SEC24D: variants seen among roughly 807,000 people sequenced by gnomAD.
SEC24D encodes the protein protein transport protein Sec24D.
A neutral mutation model predicts 116.9 loss-of-function variants in SEC24D; 69 were observed. The ratio of observed to expected loss-of-function variants is 0.59; its 90% CI spans 0.49 to 0.72. The LOEUF (loss-of-function observed/expected upper bound fraction) is 0.72. Ranked by LOEUF, SEC24D falls within the 30% of genes least tolerant of loss-of-function variation. The pLI is 0.00. For missense variants in SEC24D, 1,131 were observed against 1,264.1 expected (o/e 0.89, Z 1.60); for synonymous variants, 405 against 442.8 (o/e 0.91, Z 1.07).
intron 7 of SEC24D, among the ~76,000 whole-genome samples, chr4:118,802,805 A>G (rs970494035): frequency 3.5e-4 from 54 of 152,254 alleles, no homozygotes; most frequent in African/African-American, 1.3e-3. Context: ...TATCCACAGC[A>G]GCATTACTCA....
At chr4:118,763,803 C>T (rs1352689943) in intron 10 of SEC24D, among the ~76,000 whole-genome samples, 4 of 151,988 alleles carry the variant, frequency 2.6e-5, no homozygotes, top group Admixed American at 2.6e-4. Flanking sequence ...ATAAAGATGA[C>T]GAGGATATCA....
rs529643222 is a variant in SEC24D, at chr4:118,748,450, A to C, written c.1708-3390T>G. 9.8e-5 allele frequency among the ~76,000 whole-genome samples: 15 copies of C among 152,356 alleles called. No individual in the cohort carries two copies. The East Asian group carries it at 2.9e-3, about 29-fold the overall frequency. On this transcript the variant is annotated intron_variant, in intron 13 of 22. Coordinates refer to ENST00000280551, the MANE Select transcript of SEC24D (RefSeq NM_014822.4). ...CTTTTATAAGTAGCAAATTAATAAA[A>C]GATAAAGTTCCTATGTATTAAATGT...
chr4:118,739,941 T>C (rs1269396158), intron 17 of SEC24D, among the ~76,000 whole-genome samples: 1 of 152,182 alleles, frequency 6.6e-6, no homozygotes, highest in Non-Finnish European at 1.5e-5. Context: ...AGCCAAATCC[T>C]ATTCCACTTG....
intron 6 of SEC24D, among the ~76,000 whole-genome samples, chr4:118,812,282 T>C (rs114966236): frequency 0.044 from 6,639 of 152,202 alleles, 194 homozygotes; most frequent in Non-Finnish European, 0.063. Context: ...ATTACTGATA[T>C]GGGAGGCGGG....
At chr4:118,772,793 T>C (rs1258784687) in intron 8 of SEC24D, among the ~76,000 whole-genome samples, 1 of 152,164 alleles carries the variant, frequency 6.6e-6, no homozygotes, top group African/African-American at 2.4e-5. Flanking sequence ...AAAATGATTT[T>C]CTAAAGCAAA....
intron 11 of SEC24D, among the ~76,000 whole-genome samples, 173 bp downstream of exon 11, chr4:118,757,548 G>T (rs1727160999): frequency 6.6e-6 from 1 of 152,052 alleles, no homozygotes; most frequent in Admixed American, 6.6e-5. Context: ...TTGTACAAAA[G>T]ATCACTCTAA....
At chr4:118,802,021 A>G (rs777491077) in intron 7 of SEC24D, among the ~76,000 whole-genome samples, 3 of 152,242 alleles carry the variant, frequency 2.0e-5, no homozygotes, top group Non-Finnish European at 4.4e-5. Context: ...GAAACAGAAT[A>G]CAGTAAAGTC....
chr4:118,780,396 T>G (rs1296331051), intron 8 of SEC24D, among the ~76,000 whole-genome samples: 1 of 152,206 alleles, frequency 6.6e-6, no homozygotes, highest in African/African-American at 2.4e-5. Context: ...TCGGTTTCCA[T>G]GTAGTTGTGC....
intron 19 of SEC24D, chr4:118,736,270 G>A (rs1349761736): frequency 1.3e-5 from 2 of 152,958 alleles, no homozygotes; most frequent in Non-Finnish European, 2.9e-5. Context: ...CTCTCAAAGG[G>A]CTGGGATTAC....
chr4:118,777,219 A>G (rs1393358437), intron 8 of SEC24D, among the ~76,000 whole-genome samples: 1 of 151,904 alleles, frequency 6.6e-6, no homozygotes, highest in Non-Finnish European at 1.5e-5. Flanking sequence ...GCACCCATTA[A>G]CTCATCATTT....
At position 118,824,753 on chromosome 4, in the gene SEC24D, C is replaced by A; in HGVS notation, c.119-4G>T. On this transcript the variant is annotated splice_polypyrimidine_tract_variant and splice_region_variant and intron_variant, in intron 2 of 22. Coordinates refer to ENST00000280551, the MANE Select transcript of SEC24D (RefSeq NM_014822.4). ...GGCCCTGCTGGCTTCATCATACCTG[C>A]AAGAGAGGGGCATGAATTTAGAAGT... 1 of 1,576,172 alleles carries A rather than the reference C, an allele frequency of 6.3e-7. No homozygotes were observed. Among genetic ancestry groups the A allele is most frequent in the East Asian group, 2.3e-5 (1 of 44,030 alleles).
At chr4:118,788,904 G>A (rs955542299) in intron 8 of SEC24D, among the ~76,000 whole-genome samples, 4 of 152,178 alleles carry the variant, frequency 2.6e-5, no homozygotes, top group Admixed American at 1.3e-4. Flanking sequence ...ACCCTGAGAA[G>A]AGTGCATTTA....
chr4:118,749,468 A>T (rs1726718826), intron 13 of SEC24D, among the ~76,000 whole-genome samples: 1 of 152,218 alleles, frequency 6.6e-6, no homozygotes, highest in Non-Finnish European at 1.5e-5. Context: ...TAATTCAAAT[A>T]GGGGAGTACT....
At chr4:118,734,457 C>G (rs574699833) in intron 19 of SEC24D, among the ~76,000 whole-genome samples, 34 of 152,182 alleles carry the variant, frequency 2.2e-4, no homozygotes, top group Non-Finnish European at 4.3e-4. Flanking sequence ...AAGCAATCCG[C>G]CCACCTCAGC....
chr4:118,731,459 A>C lies in SEC24D; in HGVS notation c.2725T>G (p.Ser909Ala). The C allele has an allele frequency of 6.2e-7, 1 of 1,614,136 alleles. No individual in the cohort carries two copies. Among genetic ancestry groups the C allele is most frequent in the Non-Finnish European group, 8.5e-7 (1 of 1,180,000 alleles). Residue 909 changes from serine to alanine, a missense_variant, in exon 21 of 23, where the codon TCT becomes GCT. Ser to Ala is a moderately conservative substitution (Grantham distance 99). Transcript: ENST00000280551. ...CCTTCTTCTGAAAGACGGGACTCAG[A>C]GCAACGAACGGCAGCAGGTAACATT... The part of the protein sequence containing the change: ...STMLPAAVRC[S>A]ESRLSEEGIF...
At chr4:118,740,584 G>GA (rs1394333543) in intron 17 of SEC24D, 79 bp downstream of exon 17, 1 of 1,450,414 alleles carries the variant, frequency 6.9e-7, no homozygotes, top group African/African-American at 1.4e-5. Context: ...TAACACATTT[G>GA]ATGGTATTTC....
chr4:118,814,913 G>T (rs1293728154), intron 6 of SEC24D, 115 bp downstream of exon 6: 2 of 1,155,242 alleles, frequency 1.7e-6, no homozygotes, highest in East Asian at 2.4e-5. Context: ...TATGTGATGA[G>T]TATCTCCTAA....
intron 21 of SEC24D, chr4:118,730,878 C>T: frequency 5.6e-6 from 1 of 178,882 alleles, no homozygotes; most frequent in Non-Finnish European, 1.2e-5. Context: ...AGTTCAGCAC[C>T]AGGGATGAGT....
At chr4:118,774,440 A>C (rs529489869) in intron 8 of SEC24D, among the ~76,000 whole-genome samples, 1 of 152,278 alleles carries the variant, frequency 6.6e-6, no homozygotes, top group South Asian at 2.1e-4. Flanking sequence ...TAAAATCTCA[A>C]TTTGATATTG....
Sources: gnomAD v4.1 joint callset for allele counts (sites outside exome capture counted in the v4.1 genomes callset) on GRCh38, gnomAD v4.1.1 for gene constraint, MANE v1.5 for transcripts, NCBI Gene and HGNC (gene_info 2026-07-23, HGNC 2026-07-21) for gene names.